The following SFTPB variants were observed in gnomAD, a reference collection of about 807,000 sequenced individuals.
SFTPB encodes the protein pulmonary surfactant-associated protein B.
SFTPB carries 32 observed loss-of-function variants against 51.0 expected under a neutral mutation model. That is an observed-to-expected ratio of 0.63 (90% CI 0.47 to 0.84). The LOEUF is 0.84. SFTPB is among the 40% of genes least tolerant of loss of function. The pLI, the probability that SFTPB is intolerant of heterozygous loss-of-function variation, is 0.00. For missense variants in SFTPB, 431 were observed against 491.2 expected (o/e 0.88, Z 1.16); for synonymous variants, 211 against 208.5 (o/e 1.01, Z -0.10).
intron 8 of SFTPB, among the ~76,000 whole-genome samples, chr2:85,662,840 CAAAAA>C (rs34015129): frequency 1.1e-4 from 3 of 27,666 alleles, no homozygotes; most frequent in South Asian, 1.5e-3. Context: ...AACTCCATCT[CAAAAA>C]AAAAAAAAAA....
chr2:85,666,504 TG>T (rs1677641097), intron 4 of SFTPB, 112 bp downstream of exon 4: 2 of 1,065,048 alleles, frequency 1.9e-6, no homozygotes, highest in Admixed American at 2.1e-5. Context: ...TGTGTGTGTG[TG>T]TGTGTGTGTG....
Position 85,666,492 on chromosome 2 carries a change from GC to G in SFTPB, c.393+124del, listed in dbSNP as rs1558577451. 37 of 824,516 alleles carry G rather than the reference GC, an allele frequency of 4.5e-5. 1 individual carries two copies. The highest frequency in any genetic ancestry group is 2.9e-4 in the South Asian group (18 of 61,760). 51.1% of individuals were successfully genotyped at this position (824,516 alleles called of 1,614,324 possible). On this transcript the variant is annotated intron_variant, in intron 4 of 10. Coordinates refer to ENST00000519937, the MANE Select transcript of SFTPB (RefSeq NM_000542.5). ...GTGTTTGTGTCTGGCCGGCTTGGGT[GC>G]TGTGTGTGTGTGTGTGTGTGTGTGT... is the stretch of plus-strand genomic sequence containing the variant.
chr2:85,663,283 C>T, intron 8 of SFTPB, 63 bp downstream of exon 8: 1 of 1,598,800 alleles, frequency 6.3e-7, no homozygotes. Context: ...AAAGCCTTTC[C>T]TGGGCTCAGC....
rs1677107474 is a variant in SFTPB at position 85,657,459 on chromosome 2, C to CCATATAT, written c.*2242_*2243insATATATG. On this transcript the variant is annotated 3_prime_UTR_variant, in exon 11 of 11. Coordinates refer to ENST00000519937, the MANE Select transcript of SFTPB (RefSeq NM_000542.5). ...CAAATGTCTACTTAAAATCCAGGAG[C>CCATATAT]CAATGAATTGTGTGTCTCATCCCCA... 6.6e-6 allele frequency: 1 copy of CCATATAT among 152,144 alleles called. No individual in the cohort carries two copies. The highest frequency in any genetic ancestry group is 1.5e-5 in the Non-Finnish European group (1 of 68,028). The allele number at this position is 152,144 out of a possible 1,614,324, so 9.4% of individuals were successfully genotyped here. A position where few individuals can be genotyped will look rare whatever the true frequency, so the allele number is the denominator to read the frequency against.
In SFTPB at chr2:85,658,143, G is replaced by T; in HGVS notation, c.*1559C>A. On this transcript the variant is annotated 3_prime_UTR_variant, in exon 11 of 11. Coordinates refer to ENST00000519937, the MANE Select transcript of SFTPB (RefSeq NM_000542.5). ...TGGCTTAGCTTGGGCTCAGAGGCCTGACAGTGGGTAATTTCCACTCTCTTT... is the reference window on the plus strand; with the variant it reads ...TGGCTTAGCTTGGGCTCAGAGGCCTTACAGTGGGTAATTTCCACTCTCTTT... 6.5e-6 allele frequency: 1 copy of T among 152,772 alleles called. No individual in the cohort carries two copies. The highest frequency in any genetic ancestry group is 2.0e-4 in the South Asian group (1 of 5,060). The allele number at this position is 152,772 out of a possible 1,614,324, so 9.5% of individuals were successfully genotyped here. A position where few individuals can be genotyped will look rare whatever the true frequency, so the allele number is the denominator to read the frequency against.
chr2:85,660,444 C>T (rs1278752897), intron 10 of SFTPB, among the ~76,000 whole-genome samples: 1 of 97,450 alleles, frequency 1.0e-5, no homozygotes, highest in African/African-American at 4.7e-5. Context: ...AAAGAAATAC[C>T]TTTTTTTTTT....
intron 10 of SFTPB, chr2:85,661,199 G>A (rs1395762783): frequency 4.9e-6 from 2 of 408,786 alleles, no homozygotes; most frequent in African/African-American, 4.1e-5. Flanking sequence ...CAGGGCGGGG[G>A]GTTGGGGGGG....
At position 85,667,953 on chromosome 2, in the gene SFTPB, C is replaced by T. The variant is rs34973238; in HGVS notation, c.68-147G>A. On this transcript the variant is annotated intron_variant, in intron 1 of 10. Transcript: ENST00000519937. The stretch of plus-strand genomic sequence containing the variant: ...CAGACAGCTCTGGGTTCCACCTGCT[C>T]CTGGACCCGCCAGCTGTGTGACCTT... The T allele has an allele frequency of 4.6e-4, 588 of 1,279,246 alleles. 2 individuals carry two copies. The highest frequency in any genetic ancestry group is 4.0e-4 in the Non-Finnish European group (368 of 908,904). 79.2% of individuals were successfully genotyped at this position (1,279,246 alleles called of 1,614,324 possible).
In SFTPB at chr2:85,663,674, G is replaced by A. The variant is rs1234243117; in HGVS notation, c.846C>T (p.Ser282=). The change falls in exon 7 of 11, where the codon AGC becomes AGT. Residue 282 remains serine (S), a synonymous_variant. Coordinates refer to ENST00000519937, the MANE Select transcript of SFTPB (RefSeq NM_000542.5). ...GGGCAGTGGGCTCACTTGGGCCAGC[G>A]CTGTCATCCATGGAGCACCGGAGGA... is the stretch of plus-strand genomic sequence containing the variant. ...RLVLRCSMDD[S]AGPRSPTGEW... 1.9e-6 allele frequency: 3 copies of A among 1,611,652 alleles called. No individual in the cohort carries two copies. The highest frequency in any genetic ancestry group is 1.3e-5 in the African/African-American group (1 of 74,890).
chr2:85,667,570 A>G, intron 2 of SFTPB, 109 bp downstream of exon 2: 1 of 1,374,638 alleles, frequency 7.3e-7, no homozygotes, highest in Non-Finnish European at 1.0e-6. Context: ...ATCCCATTTC[A>G]TCTCATCCAT....
At chr2:85,667,429 A>G (rs910220536) in intron 2 of SFTPB, among the ~76,000 whole-genome samples, 4 of 149,750 alleles carry the variant, frequency 2.7e-5, no homozygotes, top group Middle Eastern at 3.4e-3. Flanking sequence ...TCTTTATTCT[A>G]TGTCATCCTA....
rs1271798887 is a variant in SFTPB at position 85,657,318 on chromosome 2, CTCAA to C, written c.*2380_*2383del. On this transcript the variant is annotated 3_prime_UTR_variant, in exon 11 of 11. Transcript: ENST00000519937. The stretch of plus-strand genomic sequence containing the variant: ...TCTTCAAACATTGGCTCTTCATTGT[CTCAA>C]TCAAACTTTTTTGTTTTTATTTTTT... The C allele has an allele frequency of 2.0e-5, 3 of 152,186 alleles. No individual in the cohort carries two copies. The highest frequency in any genetic ancestry group is 2.9e-5 in the Non-Finnish European group (2 of 68,038). 9.4% of individuals were successfully genotyped at this position (152,186 alleles called of 1,614,324 possible).
Position 85,666,677 on chromosome 2 carries a change from C to G in SFTPB, c.333G>C (p.Gln111His), listed in dbSNP as rs1280741950. ...NVLPLKLLMP[Q>H]CNQVLDDYFP... ...AGTAGTCGTCAAGCACTTGGTTGCA[C>G]TGGGGCATGAGCAGCTTCAAGGGGA... Residue 111 changes from glutamine (Q) to histidine (H), a missense_variant, in exon 4 of 11, where the codon CAG becomes CAC. Coordinates refer to ENST00000519937, the MANE Select transcript of SFTPB (RefSeq NM_000542.5). 3.7e-6 allele frequency: 6 copies of G among 1,613,882 alleles called. No homozygotes were observed. The highest frequency in any genetic ancestry group is 2.7e-5 in the African/African-American group (2 of 74,982).
At chr2:85,661,573 C>T in intron 9 of SFTPB, 38 bp from the exon 10 acceptor site, 1 of 1,528,526 alleles carries the variant, frequency 6.5e-7, no homozygotes, top group Non-Finnish European at 9.0e-7. Context: ...GGCCTGGGCC[C>T]CCTCAGCTCC....
chr2:85,663,395 G>A lies in SFTPB; in HGVS notation c.953C>T (p.Pro318Leu). ...QAGNSSEQAI[P>L]QAMLQACVGS... Reference sequence around the variant, plus strand: ...AACACAGGCCTGGAGCATTGCCTGTGGTATGGCCTGCTCGCTGCTGTTCCC... The same window carrying A: ...AACACAGGCCTGGAGCATTGCCTGTAGTATGGCCTGCTCGCTGCTGTTCCC... The change falls in exon 8 of 11, where the codon CCA (proline) becomes CTA (leucine). Residue 318 changes from proline (P) to leucine (L), a missense_variant. Pro to Leu is a moderately conservative substitution (Grantham distance 98). Coordinates refer to ENST00000519937, the MANE Select transcript of SFTPB (RefSeq NM_000542.5). 1.2e-6 allele frequency: 2 copies of A among 1,613,790 alleles called. No homozygotes were observed. The highest frequency in any genetic ancestry group is 8.5e-7 in the Non-Finnish European group (1 of 1,180,030).
rs1677656392 is a variant in SFTPB at position 85,666,621 on chromosome 2, T to A, written c.389A>T (p.Gln130Leu). 1 of 1,613,374 alleles carries A rather than the reference T, an allele frequency of 6.2e-7. No individual in the cohort carries two copies. Among genetic ancestry groups the A allele is most frequent in the African/African-American group, 1.3e-5 (1 of 74,772 alleles). Residue 130 changes from glutamine to leucine, a missense_variant, in exon 4 of 11, where the codon CAG (glutamine) becomes CTG (leucine). Gln to Leu is a moderately radical substitution (Grantham distance 113). Transcript: ENST00000519937. ...FPLVIDYFQN[Q>L]TDSNGICMHL... ...AGGTGAGCTTGCAGCCCTCACAGTC[T>A]GGTTCTGGAAGTAGTCGATGACCAG...
intron 2 of SFTPB, 34 bp downstream of exon 2, chr2:85,667,645 C>T (rs775185890): frequency 2.6e-5 from 42 of 1,614,042 alleles, no homozygotes; most frequent in Non-Finnish European, 3.4e-5. Flanking sequence ...TCATTTCAGA[C>T]CCCCAGTTGC....
intron 10 of SFTPB, 49 bp downstream of exon 10, chr2:85,661,404 TG>T: frequency 7.5e-7 from 1 of 1,333,898 alleles, no homozygotes; most frequent in Non-Finnish European, 1.1e-6. Flanking sequence ...CATGCCCTGA[TG>T]GTCAGGACCT....
At chr2:85,665,019 C>T (rs45468192) in intron 6 of SFTPB, among the ~76,000 whole-genome samples, 2 of 152,166 alleles carry the variant, frequency 1.3e-5, no homozygotes, top group African/African-American at 4.8e-5. Flanking sequence ...GCGTCTTGTC[C>T]GTTTTTGTAC....
Sources: gnomAD v4.1 joint callset for allele counts (sites outside exome capture counted in the v4.1 genomes callset) on GRCh38, gnomAD v4.1.1 for gene constraint, MANE v1.5 for transcripts, NCBI Gene and HGNC (gene_info 2026-07-23, HGNC 2026-07-21) for gene names.